AUTS2: variants seen among roughly 807,000 people sequenced by gnomAD.
AUTS2 encodes activator of transcription and developmental regulator AUTS2, also known as autism susceptibility gene 2 protein.
In AUTS2, 17 loss-of-function variants were observed where a neutral mutation model predicts 112.4. The observed-to-expected ratio is 0.15, with a 90% confidence interval of 0.10 to 0.23. The LOEUF is 0.23. Among genes scored for constraint, AUTS2 ranks in the 10% least tolerant of loss-of-function variants. AUTS2 has a pLI of 1.00. For missense variants in AUTS2, 1,510 were observed against 1,701.6 expected (o/e 0.89, Z 1.98); for synonymous variants, 751 against 702.7 (o/e 1.07, Z -1.09).
intron 1 of AUTS2, among the ~76,000 whole-genome samples, chr7:69,831,719 A>C (rs1791509285): frequency 6.6e-6 from 1 of 152,038 alleles, no homozygotes; most frequent in Admixed American, 6.6e-5. Context: ...ACCTACACTA[A>C]GTGGCAAGGA....
rs538468076 is a variant in AUTS2 at position 70,372,037 on chromosome 7, A to G, written c.661-63715A>G. Among the ~76,000 whole-genome samples the G allele has an allele frequency of 1.5e-3, 223 of 152,320 alleles. 3 individuals carry two copies. The highest frequency in any genetic ancestry group is 5.1e-3 in the African/African-American group (213 of 41,576). ...TGGAAAGGATGGGAACTAAAGTGCA[A>G]TACTCTTCTGCTAGTTTGGCACCAA... On this transcript the variant is annotated intron_variant, in intron 4 of 18. Transcript: ENST00000342771.
chr7:70,005,274 T>C (rs61481315), intron 2 of AUTS2, among the ~76,000 whole-genome samples: 1,559 of 152,252 alleles, frequency 0.01, 37 homozygotes, highest in African/African-American at 0.035. Context: ...AGGGCCTTGC[T>C]TATAATGCTG....
intron 1 of AUTS2, among the ~76,000 whole-genome samples, chr7:69,831,597 A>G (rs1434136413): frequency 2.0e-5 from 3 of 151,600 alleles, no homozygotes; most frequent in African/African-American, 7.3e-5. Flanking sequence ...AACCTTCTGT[A>G]AGCCAGGACC....
chr7:70,503,658 C>T (rs1798853896), intron 5 of AUTS2, among the ~76,000 whole-genome samples: 1 of 151,482 alleles, frequency 6.6e-6, no homozygotes, highest in East Asian at 1.9e-4. Context: ...GCTGGGACTA[C>T]AGGTGTGCAC....
At chr7:70,157,275 T>C (rs1467273402) in intron 4 of AUTS2, among the ~76,000 whole-genome samples, 1 of 152,020 alleles carries the variant, frequency 6.6e-6, no homozygotes, top group Non-Finnish European at 1.5e-5. Context: ...GCTCTCTTTT[T>C]CTCCTTTTTT....
chr7:69,844,844 T>A (rs983925422), intron 1 of AUTS2, among the ~76,000 whole-genome samples: 1 of 152,308 alleles, frequency 6.6e-6, no homozygotes, highest in African/African-American at 2.4e-5. Context: ...TGTTACATAC[T>A]ACCTAACAGT....
Position 70,029,260 on chromosome 7 carries a change from C to CTT in AUTS2, c.523-88853_523-88852dup, listed in dbSNP as rs34751901. On this transcript the variant is annotated intron_variant, in intron 2 of 18. Transcript: ENST00000342771. ...AAATCCTCAGGTCTTTCCAGGGATA[C>CTT]TTTTTTTTTTTTTTTTTTTTAATAT... 7.7e-3 allele frequency among the ~76,000 whole-genome samples: 955 copies of CTT among 124,776 alleles called. 13 individuals carry two copies. The highest frequency in any genetic ancestry group is 0.026 in the African/African-American group (867 of 33,206). The allele number at this position is 124,776 out of a possible 152,430, so 81.9% of individuals were successfully genotyped here. A position where few individuals can be genotyped will look rare whatever the true frequency, so the allele number is the denominator to read the frequency against.
rs551848571 is a variant in AUTS2 at position 70,143,638 on chromosome 7, A to G, written c.660+9067A>G. ...CTTTGGTGTCTAGTTTGCAGGATGAATAAAAACAAACAAAAAACATTTCGG... is the reference window on the plus strand; with the variant it reads ...CTTTGGTGTCTAGTTTGCAGGATGAGTAAAAACAAACAAAAAACATTTCGG... On this transcript the variant is annotated intron_variant, in intron 4 of 18. Coordinates refer to ENST00000342771, the MANE Select transcript of AUTS2 (RefSeq NM_015570.4). Among the ~76,000 whole-genome samples, 3 of 152,336 alleles carry G rather than the reference A, an allele frequency of 2.0e-5. No individual in the cohort carries two copies. In the South Asian group the frequency reaches 6.2e-4, roughly 32 times the overall value.
At chr7:70,485,626 A>G (rs529981710) in intron 5 of AUTS2, among the ~76,000 whole-genome samples, 33 of 150,308 alleles carry the variant, frequency 2.2e-4, no homozygotes, top group Admixed American at 8.0e-4. Context: ...TTGCATTTGT[A>G]AAAATAAATT....
At chr7:70,534,499 T>C (rs1288164805) in intron 5 of AUTS2, among the ~76,000 whole-genome samples, 1 of 152,142 alleles carries the variant, frequency 6.6e-6, no homozygotes. Flanking sequence ...CAATCTCAGC[T>C]CACTGCAACC....
chr7:70,545,524 G>A (rs1161607864), intron 5 of AUTS2, among the ~76,000 whole-genome samples: 2 of 152,222 alleles, frequency 1.3e-5, no homozygotes, highest in Non-Finnish European at 2.9e-5. Context: ...CCAGTGCACT[G>A]AGAATGTTAA....
intron 5 of AUTS2, among the ~76,000 whole-genome samples, chr7:70,445,384 T>G (rs1032195592): frequency 2.5e-4 from 38 of 152,174 alleles, no homozygotes; most frequent in African/African-American, 9.2e-4. Context: ...TCTCACCTAC[T>G]TGTGCTGCAA....
At chr7:70,492,339 C>T (rs1798283455) in intron 5 of AUTS2, among the ~76,000 whole-genome samples, 1 of 148,926 alleles carries the variant, frequency 6.7e-6, no homozygotes, top group African/African-American at 2.5e-5. Flanking sequence ...TTCATGTTGA[C>T]ACTGATGCTG....
chr7:70,446,507 T>C (rs1179352198), intron 5 of AUTS2, among the ~76,000 whole-genome samples: 1 of 152,186 alleles, frequency 6.6e-6, no homozygotes, highest in African/African-American at 2.4e-5. Flanking sequence ...TTGTTCCTCA[T>C]GGATAATGTG....
chr7:70,198,421 G>T (rs1810307747), intron 4 of AUTS2, among the ~76,000 whole-genome samples: 1 of 151,880 alleles, frequency 6.6e-6, no homozygotes, highest in South Asian at 2.1e-4. Flanking sequence ...CAAACCAAAG[G>T]CAAAGAAGTT....
intron 6 of AUTS2, among the ~76,000 whole-genome samples, chr7:70,741,371 A>G (rs768688180): frequency 3.9e-5 from 6 of 151,946 alleles, no homozygotes; most frequent in Non-Finnish European, 7.4e-5. Flanking sequence ...AAAAACAGTA[A>G]CTTAGTTTTA....
At chr7:69,690,042 A>G (rs1777284695) in intron 1 of AUTS2, among the ~76,000 whole-genome samples, 1 of 152,176 alleles carries the variant, frequency 6.6e-6, no homozygotes. Flanking sequence ...AATGAATATT[A>G]TTTAAGTTTC....
Position 70,687,106 on chromosome 7 carries a change from C to T in AUTS2, c.691-11463C>T, listed in dbSNP as rs76046259. 2.9e-3 allele frequency among the ~76,000 whole-genome samples: 434 copies of T among 152,248 alleles called. 14 individuals carry two copies. In the East Asian group the frequency reaches 0.065, roughly 23 times the overall value. ...GGAGCCAGGTGTTGGATACATGAGC[C>T]GGTAACTAAGGCAGGATGCGTACCT... On this transcript the variant is annotated intron_variant, in intron 5 of 18. Coordinates refer to ENST00000342771, the MANE Select transcript of AUTS2 (RefSeq NM_015570.4).
chr7:70,098,086 G>A (rs1214375419), intron 2 of AUTS2, among the ~76,000 whole-genome samples: 1 of 152,164 alleles, frequency 6.6e-6, no homozygotes, highest in Non-Finnish European at 1.5e-5. Context: ...AAAAATCTTC[G>A]TAATGATTAG....
Sources: allele counts gnomAD v4.1 joint callset (sites outside exome capture counted in the v4.1 genomes callset), GRCh38; gene constraint gnomAD v4.1.1; transcripts MANE v1.5; gene names NCBI Gene and HGNC (gene_info 2026-07-23, HGNC 2026-07-21).